Variants in RORA observed in about 807,000 individuals in gnomAD.
RORA encodes RAR related orphan receptor A.
A neutral mutation model predicts 69.5 loss-of-function variants in RORA; 7 were observed. That is an observed-to-expected ratio of 0.10 (90% CI 0.06 to 0.19). The LOEUF is 0.19. Ranked by LOEUF, RORA falls within the 10% of genes least tolerant of loss-of-function variation. RORA has a pLI of 1.00. For missense variants in RORA, 457 were observed against 663.0 expected (o/e 0.69, Z 3.41); for synonymous variants, 261 against 240.8 (o/e 1.08, Z -0.78).
At chr15:60,743,755 G>A (rs958180285) in intron 1 of RORA, among the ~76,000 whole-genome samples, 3 of 152,342 alleles carry the variant, frequency 2.0e-5, no homozygotes, top group Middle Eastern at 3.4e-3. Flanking sequence ...CTTATGTGCT[G>A]CTGGGCTTGG....
At chr15:60,589,985 T>G (rs2068450255) in intron 2 of RORA, among the ~76,000 whole-genome samples, 1 of 152,210 alleles carries the variant, frequency 6.6e-6, no homozygotes, top group Admixed American at 6.5e-5. Context: ...TTAATAAGAT[T>G]CTAAGCCAGT....
rs1472955828 is a variant in RORA at position 60,496,007 on chromosome 15, C to T, written c.*1448G>A. On this transcript the variant is annotated 3_prime_UTR_variant, in exon 11 of 11. Transcript: ENST00000335670. This position sits in a 1 kb window ranked among gnomAD's most constrained non-coding sequence, Gnocchi z 4.5. The stretch of plus-strand genomic sequence containing the variant: ...TAAATACAAGAGTAAATGTTTGCAG[C>T]TAGCATCAACTTCACTTTAAAGGCT... 2 of 152,114 alleles carry T rather than the reference C, an allele frequency of 1.3e-5. No homozygotes were observed. Among genetic ancestry groups the T allele is most frequent in the Admixed American group, 1.3e-4 (2 of 15,268 alleles). 9.4% of individuals were successfully genotyped at this position (152,114 alleles called of 1,614,324 possible).
In RORA at chr15:60,549,054, C is replaced by T. The variant is rs146062230; in HGVS notation, c.197-17203G>A. Among the ~76,000 whole-genome samples the T allele has an allele frequency of 2.4e-3, 362 of 152,292 alleles. 1 individual carries two copies. The highest frequency in any genetic ancestry group is 3.4e-3 in the Non-Finnish European group (228 of 68,030). Reference sequence around the variant, plus strand: ...GAAAACAGGAAAAATCTCTGGCATTCTCGATATGTTCTATGATATGTAGCA... The same window carrying T: ...GAAAACAGGAAAAATCTCTGGCATTTTCGATATGTTCTATGATATGTAGCA... On this transcript the variant is annotated intron_variant, in intron 2 of 10. Coordinates refer to ENST00000335670, the MANE Select transcript of RORA (RefSeq NM_134261.3).
chr15:61,011,229 T>C (rs1253160856), intron 1 of RORA, among the ~76,000 whole-genome samples: 3 of 152,198 alleles, frequency 2.0e-5, no homozygotes, highest in African/African-American at 7.2e-5. Flanking sequence ...CTGCATCTTC[T>C]GCATTCTCTT....
intron 1 of RORA, among the ~76,000 whole-genome samples, chr15:61,104,256 G>T (rs2078920358): frequency 1.3e-5 from 2 of 152,180 alleles, no homozygotes; most frequent in Admixed American, 1.3e-4. Flanking sequence ...TGAGGGAACG[G>T]AGAAAATTAA....
intron 1 of RORA, among the ~76,000 whole-genome samples, chr15:61,208,905 T>C (rs1410454481): frequency 6.6e-6 from 1 of 152,228 alleles, no homozygotes; most frequent in Non-Finnish European, 1.5e-5. Context: ...ATGACCAGAA[T>C]GTTTTTGTGG....
At chr15:60,657,328 A>C (rs1596102565) in intron 2 of RORA, among the ~76,000 whole-genome samples, 1 of 150,772 alleles carries the variant, frequency 6.6e-6, no homozygotes, top group African/African-American at 2.4e-5. Context: ...TTATGCCAAT[A>C]CCCCCCTGCC....
At chr15:61,111,596 T>C (rs1372432289) in intron 1 of RORA, among the ~76,000 whole-genome samples, 1 of 152,200 alleles carries the variant, frequency 6.6e-6, no homozygotes, top group Non-Finnish European at 1.5e-5. Context: ...TACTAAAGCA[T>C]AAGGTATGGG....
At position 60,500,034 on chromosome 15, in the gene RORA, A is replaced by ATT. The variant is rs772984396; in HGVS notation, c.1295-32_1295-31dup. The stretch of plus-strand genomic sequence containing the variant: ...GCATAAAAAAATGATATTCTTTAGC[A>ATT]TTCCTCTGACATGGTGTCAGGATCC... On this transcript the variant is annotated intron_variant, in intron 9 of 10. Transcript: ENST00000335670. 2.2e-6 allele frequency: 3 copies of ATT among 1,365,582 alleles called. No homozygotes were observed. In the East Asian group the frequency reaches 6.9e-5, roughly 31 times the overall value. The allele number at this position is 1,365,582 out of a possible 1,614,324, so 84.6% of individuals were successfully genotyped here. A position where few individuals can be genotyped will look rare whatever the true frequency, so the allele number is the denominator to read the frequency against.
chr15:60,867,434 G>C (rs766385770), intron 1 of RORA, among the ~76,000 whole-genome samples: 1 of 152,152 alleles, frequency 6.6e-6, no homozygotes, highest in African/African-American at 2.4e-5. Context: ...CACCCAGTTC[G>C]TGTGTGCCAC....
At chr15:60,866,820 TTATCTATC>T (rs535434841) in intron 1 of RORA, among the ~76,000 whole-genome samples, 12 of 146,790 alleles carry the variant, frequency 8.2e-5, no homozygotes, top group East Asian at 2.0e-4. Flanking sequence ...TATCTTATCT[TTATCTATC>T]TATCTATCTA....
intron 1 of RORA, among the ~76,000 whole-genome samples, chr15:61,171,709 T>G (rs2079586841): frequency 6.6e-6 from 1 of 152,166 alleles, no homozygotes; most frequent in East Asian, 1.9e-4. Context: ...TGGCCCCCAT[T>G]GGGAATCTTA....
intron 1 of RORA, among the ~76,000 whole-genome samples, chr15:61,090,092 G>T (rs532878347): frequency 6.6e-6 from 1 of 152,310 alleles, no homozygotes; most frequent in East Asian, 1.9e-4. Context: ...TTCTCCATTC[G>T]TAATATTCAG....
chr15:60,712,866 G>C (rs1321547873), intron 1 of RORA, among the ~76,000 whole-genome samples: 1 of 152,120 alleles, frequency 6.6e-6, no homozygotes, highest in Non-Finnish European at 1.5e-5. Flanking sequence ...CTTTCTATGG[G>C]AGAAAAACCC....
chr15:60,838,875 C>G, intron 1 of RORA, among the ~76,000 whole-genome samples: 1 of 76,258 alleles, frequency 1.3e-5, no homozygotes, highest in East Asian at 4.3e-4. Flanking sequence ...CACACACACA[C>G]ACACACACAC....
intron 1 of RORA, among the ~76,000 whole-genome samples, chr15:60,854,018 C>A (rs1436125418): frequency 1.3e-5 from 2 of 152,132 alleles, no homozygotes; most frequent in African/African-American, 4.8e-5. Flanking sequence ...AATCCCAGAA[C>A]TTTGGGAGGC....
At chr15:61,196,631 T>C (rs544491946) in intron 1 of RORA, among the ~76,000 whole-genome samples, 6 of 152,250 alleles carry the variant, frequency 3.9e-5, no homozygotes, top group Non-Finnish European at 8.8e-5. Flanking sequence ...GCCATAATAT[T>C]ATGAAATATG....
chr15:61,056,138 T>C (rs574125405), intron 1 of RORA, among the ~76,000 whole-genome samples: 50 of 152,246 alleles, frequency 3.3e-4, no homozygotes, highest in African/African-American at 1.1e-3. Context: ...AAAGAGCTAA[T>C]CAAAAAATAA....
chr15:60,585,047 T>C (rs1325019618), intron 2 of RORA, among the ~76,000 whole-genome samples: 2 of 152,238 alleles, frequency 1.3e-5, no homozygotes. Context: ...TGGTGATTAT[T>C]TGTCATTATT....
Sources: gnomAD v4.1 joint callset for allele counts (sites outside exome capture counted in the v4.1 genomes callset) on GRCh38, gnomAD v4.1.1 for gene constraint, Gnocchi (gnomAD v3.1) non-coding constraint, MANE v1.5 for transcripts, NCBI Gene and HGNC (gene_info 2026-07-23, HGNC 2026-07-21) for gene names.